The following B3GALT1 variants were observed in gnomAD, a reference collection of about 807,000 sequenced individuals.
The protein encoded by B3GALT1 is beta-1,3-galactosyltransferase 1, also known as UDP-Gal:betaGlcNAc beta 1,3-galactosyltransferase, polypeptide 1.
Under a neutral mutation model 23.2 loss-of-function variants are expected in B3GALT1, and 10 were observed. That is an observed-to-expected ratio of 0.43 (90% CI 0.27 to 0.73). The LOEUF is 0.73. B3GALT1 is among the 30% of genes least tolerant of loss of function. The pLI, the probability that B3GALT1 is intolerant of heterozygous loss-of-function variation, is 0.21. For missense variants in B3GALT1, 299 were observed against 405.4 expected (o/e 0.74, Z 2.25); for synonymous variants, 156 against 141.5 (o/e 1.10, Z -0.73).
chr2:167,762,580 T>TA (rs11439436), intron 3 of B3GALT1, among the ~76,000 whole-genome samples: 24,980 of 108,890 alleles, frequency 0.23, 2,284 homozygotes, highest in East Asian at 0.4. Flanking sequence ...GGACCAAAAA[T>TA]AAAAAAAAAA....
chr2:167,650,620 G>A (rs1423380291), intron 3 of B3GALT1, among the ~76,000 whole-genome samples: 1 of 151,938 alleles, frequency 6.6e-6, no homozygotes, highest in Non-Finnish European at 1.5e-5. Context: ...TAAGTGTTTG[G>A]TAGAATTCAT....
At chr2:167,547,648 C>A (rs1227135) in intron 2 of B3GALT1, among the ~76,000 whole-genome samples, 1 of 149,710 alleles carries the variant, frequency 6.7e-6, no homozygotes, top group Non-Finnish European at 1.5e-5. Flanking sequence ...TGAGCTGATA[C>A]CATGCACTGT....
At chr2:167,548,710 G>GTGTA (rs1553466264) in intron 2 of B3GALT1, among the ~76,000 whole-genome samples, 1 of 151,700 alleles carries the variant, frequency 6.6e-6, no homozygotes, top group Admixed American at 6.6e-5. Flanking sequence ...GTGTGTGTGT[G>GTGTA]TGTGTGTATG....
intron 1 of B3GALT1, among the ~76,000 whole-genome samples, chr2:167,460,787 T>G (rs1699248002): frequency 6.6e-6 from 1 of 152,200 alleles, no homozygotes; most frequent in African/African-American, 2.4e-5. Context: ...TTTATTATTT[T>G]GTAAGTTAAA....
intron 3 of B3GALT1, among the ~76,000 whole-genome samples, chr2:167,797,223 C>T (rs569473002): frequency 2.0e-5 from 3 of 152,258 alleles, no homozygotes; most frequent in East Asian, 1.9e-4. Context: ...TGAGAATATG[C>T]GTTATTTGGT....
At chr2:167,610,365 A>G (rs1465091128) in intron 2 of B3GALT1, among the ~76,000 whole-genome samples, 1 of 152,098 alleles carries the variant, frequency 6.6e-6, no homozygotes, top group Non-Finnish European at 1.5e-5. Flanking sequence ...TGCACATTGG[A>G]AAACATGTTC....
intron 3 of B3GALT1, among the ~76,000 whole-genome samples, chr2:167,794,020 A>G (rs1184593275): frequency 6.6e-6 from 1 of 152,146 alleles, no homozygotes; most frequent in Non-Finnish European, 1.5e-5. Context: ...GAAATTTAGG[A>G]TTCTCCACCA....
At chr2:167,733,965 C>G (rs543717064) in intron 3 of B3GALT1, among the ~76,000 whole-genome samples, 2 of 152,144 alleles carry the variant, frequency 1.3e-5, no homozygotes, top group South Asian at 4.2e-4. Flanking sequence ...TTTAATCTAA[C>G]TGCGGCTCAG....
intron 2 of B3GALT1, among the ~76,000 whole-genome samples, chr2:167,520,180 C>T (rs1486641120): frequency 6.6e-6 from 1 of 152,040 alleles, no homozygotes; most frequent in Non-Finnish European, 1.5e-5. Flanking sequence ...TAAACCCCAT[C>T]AAGACATTAT....
At chr2:167,340,001 T>C (rs1158124175) in intron 1 of B3GALT1, among the ~76,000 whole-genome samples, 1 of 152,200 alleles carries the variant, frequency 6.6e-6, no homozygotes, top group Non-Finnish European at 1.5e-5. Flanking sequence ...TTCAAATGCA[T>C]GTACATTTTT....
intron 1 of B3GALT1, among the ~76,000 whole-genome samples, chr2:167,478,765 G>T (rs1699523712): frequency 6.7e-6 from 1 of 150,320 alleles, no homozygotes; most frequent in Non-Finnish European, 1.5e-5. Flanking sequence ...CCCACCCTGT[G>T]TCCAAGTGTT....
chr2:167,524,068 C>T (rs1683181325), intron 2 of B3GALT1, among the ~76,000 whole-genome samples: 1 of 152,096 alleles, frequency 6.6e-6, no homozygotes, highest in Non-Finnish European at 1.5e-5. Flanking sequence ...CTAAATTGCC[C>T]TCCATGGAAA....
At chr2:167,653,208 T>G (rs1193036266) in intron 3 of B3GALT1, among the ~76,000 whole-genome samples, 1 of 152,188 alleles carries the variant, frequency 6.6e-6, no homozygotes, top group Admixed American at 6.5e-5. Flanking sequence ...AGTTGTTGAT[T>G]TATCACTTAA....
intron 3 of B3GALT1, among the ~76,000 whole-genome samples, chr2:167,666,987 G>C (rs540855869): frequency 1.3e-5 from 2 of 151,290 alleles, no homozygotes; most frequent in East Asian, 3.9e-4. Context: ...ATTTGATCCT[G>C]TCATTATGAC....
intron 3 of B3GALT1, among the ~76,000 whole-genome samples, chr2:167,665,547 C>T (rs2105477128): frequency 6.6e-6 from 1 of 151,446 alleles, no homozygotes; most frequent in Non-Finnish European, 1.5e-5. Context: ...GGTACCAGTT[C>T]CTCCTTGTAC....
chr2:167,438,318 C>A (rs77065972), intron 1 of B3GALT1, among the ~76,000 whole-genome samples: 16,332 of 152,144 alleles, frequency 0.11, 999 homozygotes, highest in African/African-American at 0.17. Flanking sequence ...TCAAGTGACA[C>A]ACTGTTGATT....
At chr2:167,397,276 T>C (rs1698114234) in intron 1 of B3GALT1, among the ~76,000 whole-genome samples, 2 of 98,690 alleles carry the variant, frequency 2.0e-5, no homozygotes, top group Non-Finnish European at 4.3e-5. Context: ...CTTTTTTCTT[T>C]CTTCCCTTCT....
At chr2:167,356,574 T>A (rs1459916374) in intron 1 of B3GALT1, among the ~76,000 whole-genome samples, 1 of 152,142 alleles carries the variant, frequency 6.6e-6, no homozygotes, top group Non-Finnish European at 1.5e-5. Flanking sequence ...AGTTTGATAT[T>A]TAAATAAAGC....
chr2:167,623,157 T>C (rs568630728), intron 2 of B3GALT1, among the ~76,000 whole-genome samples: 11 of 152,228 alleles, frequency 7.2e-5, no homozygotes, highest in African/African-American at 2.6e-4. Context: ...AGGAACACTT[T>C]TACACTGTTG....
Sources: allele counts gnomAD v4.1 joint callset (sites outside exome capture counted in the v4.1 genomes callset), GRCh38; gene constraint gnomAD v4.1.1; transcripts MANE v1.5; gene names NCBI Gene and HGNC (gene_info 2026-07-23, HGNC 2026-07-21).